Variants in TMEFF2 observed in about 807,000 individuals in gnomAD.
The protein encoded by TMEFF2 is transmembrane protein with EGF like and two follistatin like domains 2.
Under a neutral mutation model 53.8 loss-of-function variants are expected in TMEFF2, and 28 were observed. The observed-to-expected ratio is 0.52, with a 90% CI of 0.39 to 0.71. TMEFF2 has a LOEUF of 0.71. Ranked by LOEUF, TMEFF2 falls within the 30% of genes least tolerant of loss-of-function variation. The probability of loss-of-function intolerance (pLI) is 0.00; values close to 1 mark genes in which losing one functional copy is unlikely to be tolerated. For missense variants in TMEFF2, 353 were observed against 455.2 expected (o/e 0.78, Z 2.04); for synonymous variants, 162 against 166.3 (o/e 0.97, Z 0.20).
chr2:191,978,866 T>G (rs967717552), intron 7 of TMEFF2, among the ~76,000 whole-genome samples: 1 of 152,158 alleles, frequency 6.6e-6, no homozygotes, highest in African/African-American at 2.4e-5. Flanking sequence ...AGCCTCAACT[T>G]GGAAAGCAGC....
chr2:192,091,822 C>T (rs1172836826), intron 4 of TMEFF2, among the ~76,000 whole-genome samples: 1 of 151,992 alleles, frequency 6.6e-6, no homozygotes, highest in African/African-American at 2.4e-5. Flanking sequence ...GCCAAAATAT[C>T]CAAAACTGGA....
chr2:192,152,352 C>T (rs1271415714), intron 4 of TMEFF2, among the ~76,000 whole-genome samples: 1 of 151,900 alleles, frequency 6.6e-6, no homozygotes, highest in Non-Finnish European at 1.5e-5. Flanking sequence ...TTCTCTTTAG[C>T]TTGTTTCATA....
chr2:192,148,644 T>C lies in TMEFF2; in HGVS notation c.439+31024A>G, dbSNP rs1690311495. 2.6e-5 allele frequency among the ~76,000 whole-genome samples: 4 copies of C among 152,040 alleles called. No individual in the cohort carries two copies. In the South Asian group the frequency reaches 8.3e-4, roughly 31 times the overall value. ...AGTGAGTGATCTGAGGAAGTCCAAG[T>C]GGCCAAAGGACACATTTTAAATTTG... On this transcript the variant is annotated intron_variant, in intron 4 of 9. Coordinates refer to ENST00000272771, the MANE Select transcript of TMEFF2 (RefSeq NM_016192.4).
chr2:191,990,427 G>GTGTGTGTGTGTGTGTGTA (rs1205064088), intron 7 of TMEFF2, among the ~76,000 whole-genome samples: 2 of 151,780 alleles, frequency 1.3e-5, no homozygotes, highest in Non-Finnish European at 2.9e-5. Flanking sequence ...GTGTGTGTGT[G>GTGTGTGTGTGTGTGTGTA]TGTGTGTGTT....
chr2:192,191,791 A>T, intron 2 of TMEFF2, 89 bp downstream of exon 2: 2 of 917,274 alleles, frequency 2.2e-6, no homozygotes, highest in South Asian at 1.6e-5. Context: ...TTGCATAGCT[A>T]TAAATTTCCA....
At chr2:191,955,886 G>C (rs1362306001) in intron 8 of TMEFF2, among the ~76,000 whole-genome samples, 1 of 152,014 alleles carries the variant, frequency 6.6e-6, no homozygotes, top group Non-Finnish European at 1.5e-5. Flanking sequence ...TATACATAAG[G>C]CTTCATCCAT....
intron 7 of TMEFF2, among the ~76,000 whole-genome samples, chr2:191,959,058 TAAGC>T: frequency 6.6e-6 from 1 of 152,350 alleles, no homozygotes; most frequent in South Asian, 2.1e-4. Context: ...TAGTAGGTAT[TAAGC>T]AATAACAAAG....
chr2:191,979,223 T>C (rs6758825), intron 7 of TMEFF2, among the ~76,000 whole-genome samples: 114,448 of 152,118 alleles, frequency 0.75, 43,279 homozygotes, highest in East Asian at 0.91. Context: ...AAAACAATTC[T>C]GGCATAGAGG....
chr2:192,155,948 T>C (rs1032921284), intron 4 of TMEFF2, among the ~76,000 whole-genome samples: 3 of 151,750 alleles, frequency 2.0e-5, no homozygotes, highest in East Asian at 1.9e-4. Flanking sequence ...CATTATGTTA[T>C]AGAATTTATA....
chr2:192,164,783 T>G (rs183139353), intron 4 of TMEFF2, among the ~76,000 whole-genome samples: 1 of 152,026 alleles, frequency 6.6e-6, no homozygotes, highest in Non-Finnish European at 1.5e-5. Flanking sequence ...TTTATTTGCA[T>G]GGTTCATGTC....
intron 5 of TMEFF2, among the ~76,000 whole-genome samples, chr2:192,029,673 G>T (rs1258072927): frequency 1.3e-5 from 2 of 152,104 alleles, no homozygotes; most frequent in Non-Finnish European, 2.9e-5. Context: ...AGACCCCAAA[G>T]AGCTTTTATT....
intron 7 of TMEFF2, among the ~76,000 whole-genome samples, chr2:191,978,003 C>T (rs917039747): frequency 1.3e-5 from 2 of 152,160 alleles, no homozygotes; most frequent in Non-Finnish European, 2.9e-5. Flanking sequence ...ACCAGATGTT[C>T]AGAAAAACAT....
intron 4 of TMEFF2, among the ~76,000 whole-genome samples, chr2:192,060,145 C>T (rs957466968): frequency 6.6e-6 from 1 of 151,864 alleles, no homozygotes; most frequent in African/African-American, 2.4e-5. Context: ...AGACTATCTC[C>T]GAGGAAGAGT....
chr2:192,075,679 T>G (rs997632199), intron 4 of TMEFF2, among the ~76,000 whole-genome samples: 3 of 151,936 alleles, frequency 2.0e-5, no homozygotes. Context: ...GGTATCTGAA[T>G]AAATAGAAGC....
Position 192,003,198 on chromosome 2 carries a change from G to A in TMEFF2, c.537-3990C>T, listed in dbSNP as rs375741657. On this transcript the variant is annotated intron_variant, in intron 5 of 9. Transcript: ENST00000272771. The stretch of plus-strand genomic sequence containing the variant: ...AACAATTTTACATTCTTAAAGAAAG[G>A]TTGCTATTCTAAAAGTTACTATTAC... Among the ~76,000 whole-genome samples, 7 of 152,234 alleles carry A rather than the reference G, an allele frequency of 4.6e-5. No homozygotes were observed. The East Asian group carries it at 5.8e-4, about 13-fold the overall frequency.
At chr2:192,025,582 T>C (rs555241786) in intron 5 of TMEFF2, among the ~76,000 whole-genome samples, 7 of 152,320 alleles carry the variant, frequency 4.6e-5, no homozygotes, top group Non-Finnish European at 7.4e-5. Context: ...TCGTGGGGTA[T>C]AAAATTCAGT....
chr2:192,156,120 T>G (rs1190585474), intron 4 of TMEFF2, among the ~76,000 whole-genome samples: 1 of 151,988 alleles, frequency 6.6e-6, no homozygotes. Flanking sequence ...CTTAGGCTGG[T>G]GCCCAGGAAA....
chr2:192,061,874 C>T (rs562005150), intron 4 of TMEFF2, among the ~76,000 whole-genome samples: 5 of 152,226 alleles, frequency 3.3e-5, no homozygotes, highest in East Asian at 3.9e-4. Context: ...CTCCCCGTCT[C>T]GCCACATGAC....
At chr2:192,136,030 C>T (rs1425980748) in intron 4 of TMEFF2, among the ~76,000 whole-genome samples, 1 of 152,066 alleles carries the variant, frequency 6.6e-6, no homozygotes. Flanking sequence ...GGACTCAGCC[C>T]ACCTGCACCC....
Sources: gnomAD v4.1 joint callset for allele counts (sites outside exome capture counted in the v4.1 genomes callset) on GRCh38, gnomAD v4.1.1 for gene constraint, MANE v1.5 for transcripts, NCBI Gene and HGNC (gene_info 2026-07-23, HGNC 2026-07-21) for gene names.